Variants in HS3ST1 observed in about 807,000 individuals in gnomAD.
HS3ST1 encodes the protein heparan sulfate-glucosamine 3-sulfotransferase 1, also known as heparan sulfate glucosamine 3-O-sulfotransferase 1.
A neutral mutation model predicts 20.7 loss-of-function variants in HS3ST1; 8 were observed. The ratio of observed to expected loss-of-function variants is 0.39; its 90% CI spans 0.23 to 0.70. The LOEUF is 0.70. Ranked by LOEUF, HS3ST1 falls within the 30% of genes least tolerant of loss-of-function variation. The probability of loss-of-function intolerance (pLI) is 0.46; values close to 1 mark genes in which losing one functional copy is unlikely to be tolerated. For missense variants in HS3ST1, 436 were observed against 423.4 expected (o/e 1.03, Z -0.26); for synonymous variants, 205 against 190.4 (o/e 1.08, Z -0.63).
upstream of HS3ST1, among the ~76,000 whole-genome samples, chr4:11,434,321 T>C (rs1275021030): frequency 6.6e-6 from 1 of 152,216 alleles, no homozygotes; most frequent in East Asian, 1.9e-4. Context: ...TTCTTTTAAG[T>C]TCCAGGATAC....
chr4:11,413,521 A>C (rs1718690452), intron 1 of HS3ST1, among the ~76,000 whole-genome samples: 1 of 152,142 alleles, frequency 6.6e-6, no homozygotes, highest in Non-Finnish European at 1.5e-5. Context: ...TCAGGGTTTG[A>C]GAGTATCCAC....
chr4:11,396,149 G>A lies in HS3ST1; in HGVS notation c.*2933C>T, dbSNP rs1718139820. 6.6e-6 allele frequency: 1 copy of A among 152,166 alleles called. No homozygotes were observed. Among genetic ancestry groups the A allele is most frequent in the African/African-American group, 2.4e-5 (1 of 41,420 alleles). The allele number at this position is 152,166 out of a possible 1,614,324, so 9.4% of individuals were successfully genotyped here. ...CCTGCCCTCCATCTCCTTTCAGTTG[G>A]GTAAGCCTCCAAGCACAGAAGGAGT... On this transcript the variant is annotated 3_prime_UTR_variant, in exon 2 of 2. Transcript: ENST00000002596.
At chr4:11,430,497 C>T (rs1719182913), upstream of HS3ST1, among the ~76,000 whole-genome samples, 2 of 152,274 alleles carry the variant, frequency 1.3e-5, no homozygotes, top group East Asian at 1.9e-4. Context: ...AAGCTTCCAC[C>T]AGCAGCCAAG....
At chr4:11,401,855 G>A (rs1285886140) in intron 1 of HS3ST1, among the ~76,000 whole-genome samples, 1 of 152,170 alleles carries the variant, frequency 6.6e-6, no homozygotes, top group Non-Finnish European at 1.5e-5. Context: ...GATGCTGTGG[G>A]GTTCCACAAG....
At chr4:11,411,027 T>C (rs1434537197) in intron 1 of HS3ST1, among the ~76,000 whole-genome samples, 1 of 152,194 alleles carries the variant, frequency 6.6e-6, no homozygotes, top group Non-Finnish European at 1.5e-5. Flanking sequence ...TGAGAAAAGT[T>C]AATGGTGTAA....
chr4:11,418,906 C>T (rs964208600), intron 1 of HS3ST1, among the ~76,000 whole-genome samples: 2 of 152,088 alleles, frequency 1.3e-5, no homozygotes, highest in African/African-American at 4.8e-5. Context: ...CTAGTTGGAA[C>T]ACTACAGTTT....
At chr4:11,422,373 A>G (rs1718961926) in intron 1 of HS3ST1, among the ~76,000 whole-genome samples, 1 of 152,194 alleles carries the variant, frequency 6.6e-6, no homozygotes, top group Non-Finnish European at 1.5e-5. Context: ...CCTGGAGCAC[A>G]TATTCTGGTG....
chr4:11,404,183 C>A (rs1268810606), intron 1 of HS3ST1, among the ~76,000 whole-genome samples: 1 of 151,926 alleles, frequency 6.6e-6, no homozygotes, highest in Non-Finnish European at 1.5e-5. Context: ...TAGCTGGGAC[C>A]ACAGGTGTGT....
In HS3ST1 at chr4:11,398,806, CT is replaced by C. The variant is rs60081429; in HGVS notation, c.*275del. On this transcript the variant is annotated 3_prime_UTR_variant, in exon 2 of 2. Transcript: ENST00000002596. ...AAAACATAGCGTCTCCAGAAAAAAT[CT>C]TTTTTTTTTTTTCAGTGAAATAGTT... 13,205 of 219,540 alleles carry C rather than the reference CT, an allele frequency of 0.06. No individual in the cohort carries two copies. Among genetic ancestry groups the C allele is most frequent in the Middle Eastern group, 0.11 (77 of 708 alleles). The allele number at this position is 219,540 out of a possible 1,614,324, so 13.6% of individuals were successfully genotyped here. A position where few individuals can be genotyped will look rare whatever the true frequency, so the allele number is the denominator to read the frequency against.
At chr4:11,433,475 T>C (rs1378251354), upstream of HS3ST1, among the ~76,000 whole-genome samples, 1 of 152,200 alleles carries the variant, frequency 6.6e-6, no homozygotes, top group Non-Finnish European at 1.5e-5. Context: ...AATTGCAGTA[T>C]TGCAGGCTTG....
At chr4:11,405,622 T>A (rs1219170151) in intron 1 of HS3ST1, among the ~76,000 whole-genome samples, 1 of 152,120 alleles carries the variant, frequency 6.6e-6, no homozygotes, top group Non-Finnish European at 1.5e-5. Context: ...GAACATATTT[T>A]AACACAGTAG....
At chr4:11,427,930 C>G (rs1304542412) in intron 1 of HS3ST1, among the ~76,000 whole-genome samples, 1 of 152,210 alleles carries the variant, frequency 6.6e-6, no homozygotes, top group Non-Finnish European at 1.5e-5. Context: ...GTAGAGCGCA[C>G]CTGGAGAGGT....
intron 1 of HS3ST1, among the ~76,000 whole-genome samples, chr4:11,409,564 A>G (rs540854813): frequency 6.6e-6 from 1 of 152,308 alleles, no homozygotes; most frequent in East Asian, 1.9e-4. Context: ...CTCTGCGAGC[A>G]AGGAATGGGG....
intron 1 of HS3ST1, among the ~76,000 whole-genome samples, chr4:11,403,935 C>T (rs1166404717): frequency 6.6e-6 from 1 of 152,228 alleles, no homozygotes; most frequent in African/African-American, 2.4e-5. Flanking sequence ...TGTGTCAGGA[C>T]TGTCCAATAT....
chr4:11,400,037 G>A lies in HS3ST1; in HGVS notation c.-32C>T, dbSNP rs1448640643. The A allele has an allele frequency of 3.4e-6, 5 of 1,463,850 alleles. No homozygotes were observed. The highest frequency in any genetic ancestry group is 4.5e-6 in the Non-Finnish European group (5 of 1,111,146). 90.7% of individuals were successfully genotyped at this position (1,463,850 alleles called of 1,614,324 possible). ...CACCACGGTGGCTTCACTGGGCCGC[G>A]CGCCGCTGGGTCATGAAGTGCCGCA... On this transcript the variant is annotated 5_prime_UTR_variant, in exon 2 of 2. Coordinates refer to ENST00000002596, the MANE Select transcript of HS3ST1 (RefSeq NM_005114.4).
chr4:11,410,293 A>G (rs1233996262), intron 1 of HS3ST1, among the ~76,000 whole-genome samples: 1 of 152,198 alleles, frequency 6.6e-6, no homozygotes, highest in African/African-American at 2.4e-5. Context: ...CCAGCCGTGG[A>G]AACTCAAGAG....
At chr4:11,413,804 C>T (rs1718697382) in intron 1 of HS3ST1, among the ~76,000 whole-genome samples, 5 of 151,956 alleles carry the variant, frequency 3.3e-5, no homozygotes, top group Admixed American at 3.3e-4. Context: ...TACATGAAAA[C>T]CATTTTGGTC....
chr4:11,415,466 A>T (rs1034163252), intron 1 of HS3ST1, among the ~76,000 whole-genome samples: 1 of 152,250 alleles, frequency 6.6e-6, no homozygotes, highest in Admixed American at 6.5e-5. Flanking sequence ...CACTCAATCA[A>T]TAATAGCTCA....
Position 11,400,042 on chromosome 4 carries a change from G to T in HS3ST1, c.-37C>A, listed in dbSNP as rs1028561988. 26 of 1,456,364 alleles carry T rather than the reference G, an allele frequency of 1.8e-5. No individual in the cohort carries two copies. Among genetic ancestry groups the T allele is most frequent in the Non-Finnish European group, 2.3e-5 (26 of 1,107,992 alleles). The allele number at this position is 1,456,364 out of a possible 1,614,324, so 90.2% of individuals were successfully genotyped here. On this transcript the variant is annotated 5_prime_UTR_variant, in exon 2 of 2. Coordinates refer to ENST00000002596, the MANE Select transcript of HS3ST1 (RefSeq NM_005114.4). ...CGGTGGCTTCACTGGGCCGCGCGCC[G>T]CTGGGTCATGAAGTGCCGCAGCAGG...
Sources: gnomAD v4.1 joint callset for allele counts (sites outside exome capture counted in the v4.1 genomes callset) on GRCh38, gnomAD v4.1.1 for gene constraint, MANE v1.5 for transcripts, NCBI Gene and HGNC (gene_info 2026-07-23, HGNC 2026-07-21) for gene names.